Variants in SOCS6 observed in about 807,000 individuals in gnomAD.
SOCS6 encodes suppressor of cytokine signaling 6.
A neutral mutation model predicts 27.7 loss-of-function variants in SOCS6; 5 were observed. That is an observed-to-expected ratio of 0.18 (90% CI 0.09 to 0.38). SOCS6 has a LOEUF of 0.38. Ranked by LOEUF, SOCS6 falls within the 10% of genes least tolerant of loss-of-function variation. SOCS6 has a pLI of 1.00. For synonymous variants in SOCS6, 271 were observed against 260.0 expected (o/e 1.04, Z -0.41); for missense variants, 595 against 688.1 (o/e 0.86, Z 1.51).
chr18:70,321,297 T>A (rs1910975865), intron 1 of SOCS6, among the ~76,000 whole-genome samples: 1 of 133,006 alleles, frequency 7.5e-6, no homozygotes, highest in Non-Finnish European at 1.6e-5. Flanking sequence ...AATAAATAAA[T>A]AACAAATTTT....
intron 1 of SOCS6, among the ~76,000 whole-genome samples, chr18:70,313,620 T>C (rs1326133346): frequency 1.3e-5 from 2 of 152,338 alleles, no homozygotes; most frequent in East Asian, 3.9e-4. Context: ...CTCATCATCA[T>C]TCATTGATAG....
At chr18:70,294,502 T>C (rs2062314962) in intron 1 of SOCS6, among the ~76,000 whole-genome samples, 1 of 152,192 alleles carries the variant, frequency 6.6e-6, no homozygotes, top group South Asian at 2.1e-4. Flanking sequence ...AAAGTAATTA[T>C]TACTATTAAT....
intron 1 of SOCS6, among the ~76,000 whole-genome samples, chr18:70,306,609 A>G (rs545552827): frequency 6.6e-6 from 1 of 151,868 alleles, no homozygotes; most frequent in African/African-American, 2.4e-5. Context: ...TCAAACCTTC[A>G]GTACAGTGTT....
intron 1 of SOCS6, among the ~76,000 whole-genome samples, chr18:70,291,183 T>G (rs1480294774): frequency 2.6e-5 from 4 of 152,194 alleles, no homozygotes; most frequent in Non-Finnish European, 2.9e-5. Context: ...CATGGCTCAC[T>G]GCAGCCTTGA....
In SOCS6 at chr18:70,327,641, T is replaced by C. The variant is rs1911260461; in HGVS notation, c.*1365T>C. ...TGTTATATTCAATAATTTTTAGTTA[T>C]TTTGTAATGCAGAGTGTTTATTCAT... On this transcript the variant is annotated 3_prime_UTR_variant, in exon 2 of 2. Coordinates refer to ENST00000397942, the MANE Select transcript of SOCS6 (RefSeq NM_004232.4). The C allele has an allele frequency of 6.0e-6, 1 of 167,032 alleles. No homozygotes were observed. The highest frequency in any genetic ancestry group is 1.5e-5 in the Non-Finnish European group (1 of 68,082). 10.3% of individuals were successfully genotyped at this position (167,032 alleles called of 1,614,324 possible).
intron 1 of SOCS6, among the ~76,000 whole-genome samples, chr18:70,323,788 A>G (rs887435272): frequency 1.2e-4 from 18 of 152,228 alleles, no homozygotes; most frequent in African/African-American, 3.9e-4. Flanking sequence ...TGAGTTGACT[A>G]GGCTTGTTAT....
chr18:70,311,367 G>A (rs17235950), intron 1 of SOCS6, among the ~76,000 whole-genome samples: 2 of 152,110 alleles, frequency 1.3e-5, no homozygotes, highest in Non-Finnish European at 2.9e-5. Flanking sequence ...CCAACAGTTT[G>A]GGAAGGCTTA....
chr18:70,314,906 T>C (rs1366162531), intron 1 of SOCS6, among the ~76,000 whole-genome samples: 1 of 151,870 alleles, frequency 6.6e-6, no homozygotes, highest in Non-Finnish European at 1.5e-5. Flanking sequence ...TATTTTACAA[T>C]GGGTTTGGGG....
At chr18:70,314,039 TATAA>T in intron 1 of SOCS6, among the ~76,000 whole-genome samples, 1 of 152,340 alleles carries the variant, frequency 6.6e-6, no homozygotes, top group Non-Finnish European at 1.5e-5. Flanking sequence ...TTGAAGCTGT[TATAA>T]ATAGGATCTA....
At position 70,327,338 on chromosome 18, in the gene SOCS6, C is replaced by T. The variant is rs1016920415; in HGVS notation, c.*1062C>T. On this transcript the variant is annotated 3_prime_UTR_variant, in exon 2 of 2. Transcript: ENST00000397942. The stretch of plus-strand genomic sequence containing the variant: ...GTTTTAAAGTTGGATTTATATTTTT[C>T]TTCTATGTAGTTACTATAAAAGTGT... 6.0e-6 allele frequency: 1 copy of T among 166,582 alleles called. No individual in the cohort carries two copies. Among genetic ancestry groups the T allele is most frequent in the African/African-American group, 2.4e-5 (1 of 41,392 alleles). The allele number at this position is 166,582 out of a possible 1,614,324, so 10.3% of individuals were successfully genotyped here.
At chr18:70,310,097 A>C (rs1019242287) in intron 1 of SOCS6, among the ~76,000 whole-genome samples, 1 of 152,230 alleles carries the variant, frequency 6.6e-6, no homozygotes, top group African/African-American at 2.4e-5. Flanking sequence ...AATGAAAAAA[A>C]TATATTTATA....
rs988355050 is a variant in SOCS6, at chr18:70,328,990, AAAAG to A, written c.*2718_*2721del. 1 of 167,116 alleles carries A rather than the reference AAAAG, an allele frequency of 6.0e-6. No individual in the cohort carries two copies. Among genetic ancestry groups the A allele is most frequent in the African/African-American group, 2.4e-5 (1 of 41,472 alleles). The allele number at this position is 167,116 out of a possible 1,614,324, so 10.4% of individuals were successfully genotyped here. On this transcript the variant is annotated 3_prime_UTR_variant, in exon 2 of 2. Transcript: ENST00000397942. ...CTAAAAATCTGAGCTCAAAGCAAGA[AAAAG>A]AAAACAGGAAAGCTGTATCCATTTG... is the stretch of plus-strand genomic sequence containing the variant.
At chr18:70,309,900 G>A (rs2062383627) in intron 1 of SOCS6, among the ~76,000 whole-genome samples, 1 of 152,156 alleles carries the variant, frequency 6.6e-6, no homozygotes, top group African/African-American at 2.4e-5. Flanking sequence ...TGGCCAGGCT[G>A]GTCTCGAACT....
chr18:70,296,135 A>G (rs994822455), intron 1 of SOCS6, among the ~76,000 whole-genome samples: 1 of 152,162 alleles, frequency 6.6e-6, no homozygotes, highest in Admixed American at 6.5e-5. Context: ...CCGCCTTGAT[A>G]TGATGAAGCT....
rs1911036238 is a variant in SOCS6 at position 70,322,730 on chromosome 18, TA to T, written c.-126-1812del. Among the ~76,000 whole-genome samples the T allele has an allele frequency of 3.9e-5, 6 of 152,332 alleles. No individual in the cohort carries two copies. In the South Asian group the frequency reaches 1.2e-3, roughly 32 times the overall value. On this transcript the variant is annotated intron_variant, in intron 1 of 1. Transcript: ENST00000397942. ...ATTTTTTACAACTTATTCAGAAACA[TA>T]GTACATGACAGTAGACTTTTAAAAA...
At chr18:70,307,775 T>A (rs929709914) in intron 1 of SOCS6, among the ~76,000 whole-genome samples, 6 of 152,206 alleles carry the variant, frequency 3.9e-5, no homozygotes, top group African/African-American at 1.4e-4. Flanking sequence ...TGTCTGTTTT[T>A]TATCTTTTCA....
chr18:70,298,180 A>G (rs2062332456), intron 1 of SOCS6, among the ~76,000 whole-genome samples: 1 of 152,084 alleles, frequency 6.6e-6, no homozygotes, highest in Non-Finnish European at 1.5e-5. Context: ...AGCAATGAAG[A>G]AACTATTAAA....
chr18:70,321,907 AC>A (rs2146295051), intron 1 of SOCS6, among the ~76,000 whole-genome samples: 1 of 152,310 alleles, frequency 6.6e-6, no homozygotes, highest in African/African-American at 2.4e-5. Flanking sequence ...CTCTCTGATA[AC>A]CAGTTTCCTC....
chr18:70,302,697 G>C (rs1334487366), intron 1 of SOCS6, among the ~76,000 whole-genome samples: 1 of 152,026 alleles, frequency 6.6e-6, no homozygotes, highest in Non-Finnish European at 1.5e-5. Context: ...AAAGCTGGTA[G>C]GCTTATCACT....
Sources: gnomAD v4.1 joint callset for allele counts (sites outside exome capture counted in the v4.1 genomes callset) on GRCh38, gnomAD v4.1.1 for gene constraint, MANE v1.5 for transcripts, NCBI Gene and HGNC (gene_info 2026-07-23, HGNC 2026-07-21) for gene names.